EYA2: variants seen among roughly 807,000 people sequenced by gnomAD.
EYA2 encodes the protein EYA transcriptional coactivator and phosphatase 2.
A neutral mutation model predicts 69.2 loss-of-function variants in EYA2; 31 were observed. The observed-to-expected ratio is 0.45, with a 90% CI of 0.34 to 0.60. The LOEUF (loss-of-function observed/expected upper bound fraction) is 0.60. EYA2 is among the 20% of genes least tolerant of loss of function. The pLI, the probability that EYA2 is intolerant of heterozygous loss-of-function variation, is 0.02. For synonymous variants in EYA2, 257 were observed against 279.4 expected (o/e 0.92, Z 0.80); for missense variants, 622 against 701.2 (o/e 0.89, Z 1.28).
intron 9 of EYA2, among the ~76,000 whole-genome samples, chr20:47,125,714 CCCACAGAAT>C: frequency 1.3e-5 from 2 of 152,132 alleles, no homozygotes; most frequent in African/African-American, 4.8e-5. Context: ...AGAGATAAAC[CCCACAGAAT>C]AGGGAGCTGG....
chr20:46,967,097 G>T (rs930938400), intron 1 of EYA2, among the ~76,000 whole-genome samples: 2 of 152,134 alleles, frequency 1.3e-5, no homozygotes, highest in African/African-American at 4.8e-5. Context: ...AGGTTCAAGT[G>T]ATTCTCGTGC....
intron 1 of EYA2, among the ~76,000 whole-genome samples, chr20:46,895,631 A>G (rs1983768135): frequency 6.6e-6 from 1 of 152,238 alleles, no homozygotes; most frequent in Admixed American, 6.5e-5. Context: ...AAGGGTGTTT[A>G]GAAGGCGGCA....
intron 1 of EYA2, among the ~76,000 whole-genome samples, chr20:46,923,320 G>A (rs1458555024): frequency 2.0e-5 from 3 of 152,152 alleles, no homozygotes; most frequent in African/African-American, 4.8e-5. Flanking sequence ...AGCCAAGATC[G>A]TGCCACTGCA....
At chr20:47,142,655 G>C (rs1455469943) in intron 9 of EYA2, among the ~76,000 whole-genome samples, 1 of 152,232 alleles carries the variant, frequency 6.6e-6, no homozygotes, top group Non-Finnish European at 1.5e-5. Flanking sequence ...TCTCCCAGTA[G>C]TTTATACTGA....
chr20:46,903,067 G>A (rs897335147), intron 1 of EYA2, among the ~76,000 whole-genome samples: 2 of 152,234 alleles, frequency 1.3e-5, no homozygotes, highest in Non-Finnish European at 2.9e-5. Flanking sequence ...AAAATTACAA[G>A]TGACTTCATT....
chr20:47,002,516 T>A (rs1384054109), intron 3 of EYA2, among the ~76,000 whole-genome samples: 1 of 152,214 alleles, frequency 6.6e-6, no homozygotes, highest in African/African-American at 2.4e-5. Flanking sequence ...TTCATCTGTA[T>A]CCCTGCAAAG....
chr20:46,974,248 G>A (rs187966275), intron 1 of EYA2, among the ~76,000 whole-genome samples: 1 of 152,100 alleles, frequency 6.6e-6, no homozygotes, highest in African/African-American at 2.4e-5. Flanking sequence ...AGCTTCATGG[G>A]GGCACAAATA....
intron 1 of EYA2, among the ~76,000 whole-genome samples, chr20:46,943,537 T>A (rs768500263): frequency 1.3e-5 from 2 of 152,174 alleles, no homozygotes; most frequent in South Asian, 4.1e-4. Context: ...TGAATGAATA[T>A]CATAGCAAGG....
At chr20:47,036,206 G>C (rs1984700820) in intron 5 of EYA2, among the ~76,000 whole-genome samples, 1 of 152,188 alleles carries the variant, frequency 6.6e-6, no homozygotes, top group Non-Finnish European at 1.5e-5. Context: ...ACCGGGATCA[G>C]GGCCGGGACT....
chr20:47,097,003 C>A, intron 8 of EYA2, 82 bp from the exon 9 acceptor site: 1 of 1,009,588 alleles, frequency 9.9e-7, no homozygotes, highest in South Asian at 1.4e-5. Flanking sequence ...TCTTTTCCTC[C>A]AAGGGAATGA....
At chr20:47,031,465 A>G (rs1033694627) in intron 5 of EYA2, among the ~76,000 whole-genome samples, 1 of 152,224 alleles carries the variant, frequency 6.6e-6, no homozygotes, top group Non-Finnish European at 1.5e-5. Context: ...GTCCTGAGAC[A>G]GTGCCTGACC....
At chr20:46,952,538 A>C (rs935956318) in intron 1 of EYA2, among the ~76,000 whole-genome samples, 2 of 152,128 alleles carry the variant, frequency 1.3e-5, no homozygotes, top group African/African-American at 4.8e-5. Flanking sequence ...GTGCTTTTCT[A>C]GTTCCTCTGC....
chr20:47,142,826 T>C (rs2033623696), intron 9 of EYA2, among the ~76,000 whole-genome samples: 1 of 152,130 alleles, frequency 6.6e-6, no homozygotes, highest in African/African-American at 2.4e-5. Flanking sequence ...TTCCAGGAGA[T>C]TTAAATACTG....
intron 10 of EYA2, among the ~76,000 whole-genome samples, chr20:47,147,168 C>T (rs1191399523): frequency 6.6e-6 from 1 of 151,344 alleles, no homozygotes; most frequent in East Asian, 1.9e-4. Context: ...CCTGCCTCAG[C>T]CTCCCAAGTA....
At chr20:47,074,385 C>T (rs749012023) in intron 7 of EYA2, 50 bp downstream of exon 7, 5 of 1,586,160 alleles carry the variant, frequency 3.2e-6, no homozygotes, top group Non-Finnish European at 3.4e-6. Context: ...CTGAGAGCTT[C>T]TATGAAGGAG....
chr20:47,183,105 G>A (rs1407614841), intron 14 of EYA2, among the ~76,000 whole-genome samples, 186 bp from the exon 15 acceptor site: 3 of 152,070 alleles, frequency 2.0e-5, no homozygotes, highest in Non-Finnish European at 2.9e-5. Flanking sequence ...CTGTGTTTCC[G>A]GCTGTCATCA....
chr20:47,149,449 GC>G (rs997753851), intron 10 of EYA2, among the ~76,000 whole-genome samples: 1 of 151,856 alleles, frequency 6.6e-6, no homozygotes, highest in African/African-American at 2.4e-5. Context: ...GATTGTAACG[GC>G]CCCCATCCTC....
At chr20:47,112,862 CTTTT>C (rs11473217) in intron 9 of EYA2, among the ~76,000 whole-genome samples, 167 of 55,808 alleles carry the variant, frequency 3.0e-3, no homozygotes, top group African/African-American at 9.1e-3. Context: ...ATGTTCACTC[CTTTT>C]TTTTTTTTTT....
At chr20:46,966,952 G>A (rs967996576) in intron 1 of EYA2, among the ~76,000 whole-genome samples, 15 of 151,996 alleles carry the variant, frequency 9.9e-5, no homozygotes. Context: ...TTGAGATCTG[G>A]TGTGTGTTTG....
Sources: gnomAD v4.1 joint callset for allele counts (sites outside exome capture counted in the v4.1 genomes callset) on GRCh38, gnomAD v4.1.1 for gene constraint, MANE v1.5 for transcripts, NCBI Gene and HGNC (gene_info 2026-07-23, HGNC 2026-07-21) for gene names.